PPP2R3A: variants seen among roughly 807,000 people sequenced by gnomAD.
PPP2R3A encodes the protein protein phosphatase 2 regulatory subunit B''alpha, also known as serine/threonine-protein phosphatase 2A regulatory subunit B'' subunit alpha.
PPP2R3A carries 80 observed loss-of-function variants against 106.9 expected under a neutral mutation model. That is an observed-to-expected ratio of 0.75 (90% CI 0.62 to 0.90). PPP2R3A has a LOEUF of 0.90. Among genes scored for constraint, PPP2R3A ranks in the 40% least tolerant of loss-of-function variants. PPP2R3A has a pLI of 0.00. For synonymous variants in PPP2R3A, 483 were observed against 468.3 expected, an observed-to-expected ratio of 1.03 and a Z score of -0.41; for missense variants, 1,386 against 1,350.4, an observed-to-expected ratio of 1.03 and a Z score of -0.41.
At chr3:136,097,889 G>A (rs1054111136) in intron 10 of PPP2R3A, among the ~76,000 whole-genome samples, 1 of 152,140 alleles carries the variant, frequency 6.6e-6, no homozygotes, top group East Asian at 1.9e-4. Context: ...CTTATGAGAT[G>A]TAACTCTTCA....
Position 136,145,291 on chromosome 3 carries a change from A to G in PPP2R3A, c.*125A>G. 3 of 1,262,188 alleles carry G rather than the reference A, an allele frequency of 2.4e-6. No individual in the cohort carries two copies. The South Asian group carries it at 4.7e-5, about 20-fold the overall frequency. 78.2% of individuals were successfully genotyped at this position (1,262,188 alleles called of 1,614,324 possible). ...TCTCCAAGTGTGTATCATCTGCACT[A>G]GGAACTTTGTTTTTAAGCAATAGGT... On this transcript the variant is annotated 3_prime_UTR_variant, in exon 14 of 14. Transcript: ENST00000264977.
At chr3:135,967,728 C>G (rs1424362194) in intron 1 of PPP2R3A, among the ~76,000 whole-genome samples, 1 of 152,102 alleles carries the variant, frequency 6.6e-6, no homozygotes, top group Admixed American at 6.5e-5. Context: ...CACCCCCCAT[C>G]CCCCAAAAAG....
At chr3:135,982,981 C>A (rs1275144101) in intron 1 of PPP2R3A, among the ~76,000 whole-genome samples, 2 of 152,176 alleles carry the variant, frequency 1.3e-5, no homozygotes, top group Non-Finnish European at 2.9e-5. Context: ...ACTTCATGCA[C>A]TCTTCCAATT....
At chr3:136,051,416 G>A (rs916626436) in intron 5 of PPP2R3A, among the ~76,000 whole-genome samples, 5 of 152,100 alleles carry the variant, frequency 3.3e-5, no homozygotes, top group Admixed American at 6.5e-5. Flanking sequence ...TGCAGCCTCC[G>A]CCTCCTGGGT....
chr3:136,144,399 G>A (rs537822914), intron 13 of PPP2R3A, among the ~76,000 whole-genome samples: 1 of 152,158 alleles, frequency 6.6e-6, no homozygotes, highest in African/African-American at 2.4e-5. Context: ...AGTGGCTCAA[G>A]CCTGTAATCC....
chr3:136,040,577 T>C (rs1935230013), intron 3 of PPP2R3A, among the ~76,000 whole-genome samples: 1 of 152,184 alleles, frequency 6.6e-6, no homozygotes, highest in Non-Finnish European at 1.5e-5. Flanking sequence ...TGCTGTTTGC[T>C]TTAACTGTCA....
At chr3:136,057,686 A>C (rs2400649) in intron 5 of PPP2R3A, among the ~76,000 whole-genome samples, 96,156 of 152,002 alleles carry the variant, frequency 0.63, 31,755 homozygotes, top group African/African-American at 0.81. Context: ...CAATGGCCAA[A>C]AAGTATATGA....
At chr3:136,139,605 A>C (rs1339836238) in intron 13 of PPP2R3A, among the ~76,000 whole-genome samples, 1 of 151,400 alleles carries the variant, frequency 6.6e-6, no homozygotes. Context: ...AGGCAGGAGA[A>C]TCGCTTGAAC....
chr3:136,137,471 T>C (rs1244181441), intron 13 of PPP2R3A, among the ~76,000 whole-genome samples: 1 of 150,028 alleles, frequency 6.7e-6, no homozygotes, highest in Non-Finnish European at 1.5e-5. Flanking sequence ...CTGTTTTCTA[T>C]TGAATGTTTT....
chr3:136,014,737 T>C (rs1404205188), intron 2 of PPP2R3A, among the ~76,000 whole-genome samples: 4 of 152,154 alleles, frequency 2.6e-5, no homozygotes, highest in Admixed American at 2.0e-4. Context: ...GATGAGTCTT[T>C]AGGGTTTTCC....
intron 1 of PPP2R3A, among the ~76,000 whole-genome samples, chr3:135,984,333 T>C (rs1026339936): frequency 1.3e-5 from 2 of 152,216 alleles, no homozygotes; most frequent in South Asian, 2.1e-4. Flanking sequence ...GTATGTAACA[T>C]GCGTAAATTT....
chr3:136,001,989 A>G lies in PPP2R3A; in HGVS notation c.491A>G (p.His164Arg), dbSNP rs757702925. Reference protein sequence around the residue: ...RSVDLDLLCGHYNNDGNAPSF... With the variant: ...RSVDLDLLCGRYNNDGNAPSF... ...GTTGATTTGGACTTGCTTTGTGGCC[A>G]TTATAACAACGATGGGAACGCCCCA... is the stretch of plus-strand genomic sequence containing the variant. The change falls in exon 2 of 14, where the codon CAT (histidine) becomes CGT (arginine). Residue 164 changes from histidine to arginine, a missense_variant. His to Arg is a conservative substitution (Grantham distance 29). Coordinates refer to ENST00000264977, the MANE Select transcript of PPP2R3A (RefSeq NM_002718.5). 23 of 1,614,040 alleles carry G rather than the reference A, an allele frequency of 1.4e-5. No individual in the cohort carries two copies. Among genetic ancestry groups the G allele is most frequent in the East Asian group, 2.2e-5 (1 of 44,890 alleles).
intron 7 of PPP2R3A, among the ~76,000 whole-genome samples, chr3:136,078,749 G>A (rs77350203): frequency 0.021 from 3,229 of 152,222 alleles, 113 homozygotes; most frequent in African/African-American, 0.072. Flanking sequence ...GTACAGAGGC[G>A]GCTTCACAAT....
At chr3:136,045,441 G>A (rs1935439336) in intron 4 of PPP2R3A, among the ~76,000 whole-genome samples, 1 of 152,214 alleles carries the variant, frequency 6.6e-6, no homozygotes. Context: ...GGAAAAGTGA[G>A]GTATGGATTA....
chr3:136,037,188 ACT>A (rs1935113074), intron 3 of PPP2R3A, among the ~76,000 whole-genome samples: 1 of 151,882 alleles, frequency 6.6e-6, no homozygotes, highest in Non-Finnish European at 1.5e-5. Context: ...TGCCTAGAAA[ACT>A]CTGTGTTTAT....
intron 5 of PPP2R3A, among the ~76,000 whole-genome samples, chr3:136,065,553 TAAG>T (rs1305083800): frequency 2.0e-5 from 3 of 152,116 alleles, no homozygotes; most frequent in Non-Finnish European, 4.4e-5. Flanking sequence ...GATCAGAAAT[TAAG>T]AAGGCAGAGA....
intron 6 of PPP2R3A, among the ~76,000 whole-genome samples, chr3:136,070,974 G>A (rs759037381): frequency 6.6e-6 from 1 of 152,218 alleles, no homozygotes; most frequent in African/African-American, 2.4e-5. Flanking sequence ...ATCAGAAAAC[G>A]ATGTAAGAAT....
chr3:136,117,967 A>T (rs1423536873), intron 13 of PPP2R3A, among the ~76,000 whole-genome samples: 1 of 152,218 alleles, frequency 6.6e-6, no homozygotes, highest in Non-Finnish European at 1.5e-5. Flanking sequence ...CATCGATGCG[A>T]AAATCCTCAA....
At chr3:136,119,587 A>C (rs1937912417) in intron 13 of PPP2R3A, among the ~76,000 whole-genome samples, 1 of 152,248 alleles carries the variant, frequency 6.6e-6, no homozygotes, top group Non-Finnish European at 1.5e-5. Flanking sequence ...ACATTTATGC[A>C]GCCAACAAAC....
Sources: gnomAD v4.1 joint callset for allele counts (sites outside exome capture counted in the v4.1 genomes callset) on GRCh38, gnomAD v4.1.1 for gene constraint, MANE v1.5 for transcripts, NCBI Gene and HGNC (gene_info 2026-07-23, HGNC 2026-07-21) for gene names.